IL1RAPL1: variants seen among roughly 807,000 people sequenced by gnomAD.
IL1RAPL1 encodes interleukin-1 receptor accessory protein-like 1.
IL1RAPL1 carries 3 observed loss-of-function variants against 48.4 expected under a neutral mutation model. The ratio of observed to expected loss-of-function variants is 0.06; its 90% CI spans 0.03 to 0.16. The LOEUF (loss-of-function observed/expected upper bound fraction) is 0.16, where lower values mean the gene tolerates loss of function less well. IL1RAPL1 is among the 10% of genes least tolerant of loss of function. The pLI is 1.00. For missense variants in IL1RAPL1, 349 were observed against 530.6 expected (o/e 0.66, Z 3.36); for synonymous variants, 185 against 187.7 (o/e 0.99, Z 0.12).
chrX:29,765,206 A>G (rs1327642533), intron 6 of IL1RAPL1, among the ~76,000 whole-genome samples: 3 of 106,428 alleles, frequency 2.8e-5, no homozygotes, highest in African/African-American at 1.0e-4. Flanking sequence ...TCAGCTTTCA[A>G]TTGTTTTTAG....
At chrX:28,802,496 A>G (rs1288154619) in intron 2 of IL1RAPL1, among the ~76,000 whole-genome samples, 8 of 112,162 alleles carry the variant, frequency 7.1e-5, no homozygotes, top group Admixed American at 6.6e-4. Flanking sequence ...ACACTATTCA[A>G]TTGTCATTTA....
chrX:28,822,936 CT>C (rs1420528601), intron 2 of IL1RAPL1, among the ~76,000 whole-genome samples: 1 of 111,770 alleles, frequency 8.9e-6, no homozygotes, highest in African/African-American at 3.2e-5. Context: ...ATATACCAAG[CT>C]GCTGTATCCA....
chrX:29,731,597 A>C (rs1032959747), intron 6 of IL1RAPL1, among the ~76,000 whole-genome samples: 1 of 112,142 alleles, frequency 8.9e-6, no homozygotes, highest in African/African-American at 3.2e-5. Flanking sequence ...TTTTCAATCT[A>C]ATAAACTTAC....
At chrX:29,335,257 GAGAC>G (rs1932971830) in intron 3 of IL1RAPL1, among the ~76,000 whole-genome samples, 1 of 33,514 alleles carries the variant, frequency 3.0e-5, no homozygotes, top group Non-Finnish European at 5.8e-5. Context: ...ACCGTGGAGG[GAGAC>G]GGAGACGGAG....
intron 2 of IL1RAPL1, among the ~76,000 whole-genome samples, chrX:29,000,678 G>T (rs1925829989): frequency 8.9e-6 from 1 of 111,884 alleles, no homozygotes; most frequent in Admixed American, 9.5e-5. Flanking sequence ...TCAGCCCAGA[G>T]AATGTGTATG....
At chrX:28,762,755 T>C (rs1032810257) in intron 1 of IL1RAPL1, among the ~76,000 whole-genome samples, 4 of 107,248 alleles carry the variant, frequency 3.7e-5, no homozygotes, top group African/African-American at 1.4e-4. Flanking sequence ...AACTAGATTG[T>C]ATATATATAA....
intron 2 of IL1RAPL1, among the ~76,000 whole-genome samples, chrX:29,079,089 A>G (rs766852890): frequency 8.9e-5 from 10 of 112,309 alleles, no homozygotes; most frequent in Non-Finnish European, 1.9e-4. Context: ...CACAAAGATT[A>G]TTATTGATAA....
At chrX:29,288,117 TTTTA>T (rs1932312573) in intron 3 of IL1RAPL1, among the ~76,000 whole-genome samples, 1 of 111,278 alleles carries the variant, frequency 9.0e-6, no homozygotes, top group Non-Finnish European at 1.9e-5. Context: ...GAAATGCTTA[TTTTA>T]TTTTTTATTT....
intron 2 of IL1RAPL1, among the ~76,000 whole-genome samples, chrX:29,178,696 C>T (rs1029655731): frequency 2.7e-5 from 3 of 111,719 alleles, no homozygotes; most frequent in African/African-American, 9.8e-5. Context: ...ATGGTATTGC[C>T]TAGGTTTTCT....
chrX:29,726,345 C>T (rs1162490991), intron 6 of IL1RAPL1, among the ~76,000 whole-genome samples: 1 of 112,169 alleles, frequency 8.9e-6, no homozygotes, highest in Non-Finnish European at 1.9e-5. Context: ...CATTATACCT[C>T]ACATAGTTAT....
At position 29,261,865 on chromosome X, in the gene IL1RAPL1, T is replaced by C. The variant is rs73631644; in HGVS notation, c.83-21073T>C. Among the ~76,000 whole-genome samples the C allele has an allele frequency of 3.0e-3, 333 of 111,683 alleles. 1 individual carries two copies. The highest frequency in any genetic ancestry group is 0.01 in the African/African-American group (317 of 30,783). The stretch of plus-strand genomic sequence containing the variant: ...CTATCCTTCGCTTGCATAATACCTT[T>C]CCTTTCTTTGGTGCCTTTTTGCAAT... On this transcript the variant is annotated intron_variant, in intron 2 of 10. Transcript: ENST00000378993.
intron 5 of IL1RAPL1, among the ~76,000 whole-genome samples, chrX:29,497,160 C>A (rs769783080): frequency 5.4e-5 from 6 of 111,616 alleles, no homozygotes; most frequent in Middle Eastern, 4.6e-3. Flanking sequence ...TTTGGAAAAA[C>A]CCCACGGCCC....
chrX:29,707,629 T>C (rs753760175), intron 6 of IL1RAPL1, among the ~76,000 whole-genome samples: 4 of 112,046 alleles, frequency 3.6e-5, no homozygotes, highest in South Asian at 3.7e-4. Context: ...AACAGTGGCA[T>C]TTGTAGCAAC....
chrX:29,476,560 T>A (rs1414914894), intron 5 of IL1RAPL1, among the ~76,000 whole-genome samples: 1 of 111,374 alleles, frequency 9.0e-6, no homozygotes, highest in Non-Finnish European at 1.9e-5. Context: ...AATCATTAGA[T>A]TAATGAACTA....
At chrX:29,738,417 T>TATTTC (rs1280374821) in intron 6 of IL1RAPL1, among the ~76,000 whole-genome samples, 8 of 109,992 alleles carry the variant, frequency 7.3e-5, no homozygotes, top group African/African-American at 2.3e-4. Flanking sequence ...CTTGTCATTT[T>TATTTC]ATTTCATTTC....
chrX:29,075,924 A>C (rs1927661231), intron 2 of IL1RAPL1, among the ~76,000 whole-genome samples: 1 of 111,622 alleles, frequency 9.0e-6, no homozygotes, highest in African/African-American at 3.2e-5. Flanking sequence ...AATTATTTTC[A>C]CTGGAGTATA....
chrX:28,700,797 T>C lies in IL1RAPL1; in HGVS notation c.-24-88523T>C, dbSNP rs1021600178. The stretch of plus-strand genomic sequence containing the variant: ...CAGTTCCCACTTACGAGTGAGAACA[T>C]GCGGTGTTTGATTTTCTGTTCCTGT... On this transcript the variant is annotated intron_variant, in intron 1 of 10. Transcript: ENST00000378993. Among the ~76,000 whole-genome samples the C allele has an allele frequency of 1.1e-4, 12 of 111,013 alleles. No individual in the cohort carries two copies. In the Admixed American group the frequency reaches 1.2e-3, roughly 11 times the overall value.
chrX:28,732,643 G>A (rs745557335), intron 1 of IL1RAPL1, among the ~76,000 whole-genome samples: 3 of 111,381 alleles, frequency 2.7e-5, no homozygotes, highest in South Asian at 7.6e-4. Context: ...AGGCCGAGGC[G>A]GGTGGATCAC....
chrX:28,935,081 T>C (rs1159461574), intron 2 of IL1RAPL1, among the ~76,000 whole-genome samples: 1 of 112,033 alleles, frequency 8.9e-6, no homozygotes, highest in East Asian at 2.8e-4. Context: ...TGTGGATTTA[T>C]TTCACTTTCT....
Sources: allele counts gnomAD v4.1 joint callset (sites outside exome capture counted in the v4.1 genomes callset), GRCh38; gene constraint gnomAD v4.1.1; transcripts MANE v1.5; gene names NCBI Gene and HGNC (gene_info 2026-07-23, HGNC 2026-07-21).